MRTO4: variants seen among roughly 807,000 people sequenced by gnomAD.
MRTO4 encodes MRT4 homolog, ribosome maturation factor.
Under a neutral mutation model 28.6 loss-of-function variants are expected in MRTO4, and 7 were observed. That is an observed-to-expected ratio of 0.24 (90% CI 0.14 to 0.46). The LOEUF is 0.46. Among genes scored for constraint, MRTO4 ranks in the 20% least tolerant of loss-of-function variants. The pLI is 0.99. For synonymous variants in MRTO4, 113 were observed against 108.2 expected, an observed-to-expected ratio of 1.04 and a Z score of -0.27; for missense variants, 302 against 298.3, an observed-to-expected ratio of 1.01 and a Z score of -0.09.
intron 1 of MRTO4, among the ~76,000 whole-genome samples, chr1:19,253,555 A>C (rs1558121173): frequency 1.3e-5 from 2 of 152,196 alleles, no homozygotes; most frequent in Non-Finnish European, 2.9e-5. Flanking sequence ...TGGGGAAGAC[A>C]GGGCAGAGGG....
Position 19,257,056 on chromosome 1 carries a change from C to A in MRTO4, c.192-8C>A. On this transcript the variant is annotated splice_region_variant and splice_polypyrimidine_tract_variant and intron_variant, in intron 3 of 7. Transcript: ENST00000330263. Reference sequence around the variant, plus strand: ...CCTTCACAGAATGCTCTTTCTCTTGCTTGGTAGGATGTTCTTTGGCAAAAA... The same window carrying A: ...CCTTCACAGAATGCTCTTTCTCTTGATTGGTAGGATGTTCTTTGGCAAAAA... 6.2e-7 allele frequency: 1 copy of A among 1,613,546 alleles called. No homozygotes were observed. Among genetic ancestry groups the A allele is most frequent in the Non-Finnish European group, 8.5e-7 (1 of 1,179,636 alleles).
In MRTO4 at chr1:19,257,978, A is replaced by C; in HGVS notation, c.487A>C (p.Lys163Gln). 6.2e-7 allele frequency: 1 copy of C among 1,613,842 alleles called. No individual in the cohort carries two copies. The change falls in exon 6 of 8, where the codon AAG (lysine) becomes CAG (glutamine). Residue 163 changes from lysine to glutamine, a missense_variant. Transcript: ENST00000330263. ...LRQLGLPTALKRGVVTLLSDY... is the reference protein window; with the variant it reads ...LRQLGLPTALQRGVVTLLSDY... ...GCAGCTGGGCCTGCCCACCGCCCTC[A>C]AGAGAGGTATGGGCAGCCCTGGAGC...
chr1:19,251,888 C>T, intron 1 of MRTO4, 25 bp downstream of exon 1: 1 of 1,586,712 alleles, frequency 6.3e-7, no homozygotes, highest in Non-Finnish European at 8.6e-7. Context: ...AGTCGGGACC[C>T]TGGGGGGAGC....
Position 19,257,842 on chromosome 1 carries a change from G to A in MRTO4, c.351G>A (p.Thr117=), listed in dbSNP as rs116573119. The change falls in exon 6 of 8, where the codon ACG becomes ACA. Residue 117 remains threonine, a synonymous_variant. Coordinates refer to ENST00000330263, the MANE Select transcript of MRTO4 (RefSeq NM_016183.4). ...RTKEEVNEWF[T]KYTEMDYARA... ...TTCTCTTTTCCCTTAGGTGGTTCAC[G>A]AAATACACAGAAATGGACTACGCCC... 6.1e-3 allele frequency: 9,820 copies of A among 1,612,964 alleles called. 63 individuals are homozygous for A. Among genetic ancestry groups the A allele is most frequent in the South Asian group, 0.015 (1,369 of 91,018 alleles).
At chr1:19,252,426 G>A (rs2093663288) in intron 1 of MRTO4, among the ~76,000 whole-genome samples, 2 of 152,200 alleles carry the variant, frequency 1.3e-5, no homozygotes, top group South Asian at 4.1e-4. Flanking sequence ...GGCCGGATGC[G>A]GTGGCTCACG....
Position 19,257,900 on chromosome 1 carries a change from CT to C in MRTO4, c.410del (p.Leu137ArgfsTer31). 1 of 1,614,162 alleles carries C rather than the reference CT, an allele frequency of 6.2e-7. No homozygotes were observed. Among genetic ancestry groups the C allele is most frequent in the Non-Finnish European group, 8.5e-7 (1 of 1,180,044 alleles). Reference sequence around the variant, plus strand: ...TAACAAAGCAGCTTTCACTGTGAGCCTGGATCCAGGGCCCCTGGAGCAGTTC... The same window carrying C: ...TAACAAAGCAGCTTTCACTGTGAGCCGGATCCAGGGCCCCTGGAGCAGTTC... ...AGNKAAFTVSLDPGPLEQFPH... is the reference protein window; with the variant it reads ...AGNKAAFTVSXDPGPLEQFPH... On this transcript the variant is annotated frameshift_variant, in exon 6 of 8. Transcript: ENST00000330263. LOFTEE classifies it high-confidence loss of function.
chr1:19,258,247 G>T lies in MRTO4; in HGVS notation c.494-230G>T, dbSNP rs531739243. 3.3e-3 allele frequency among the ~76,000 whole-genome samples: 505 copies of T among 152,206 alleles called. 2 individuals carry two copies. The highest frequency in any genetic ancestry group is 0.011 in the African/African-American group (461 of 41,532). ...AAAAATTAGACAGCCATGGTGGTGT[G>T]TGCCTGTGGTCCTAGCTACATGGGA... is the stretch of plus-strand genomic sequence containing the variant. On this transcript the variant is annotated intron_variant, in intron 6 of 7. Coordinates refer to ENST00000330263, the MANE Select transcript of MRTO4 (RefSeq NM_016183.4).
chr1:19,254,794 A>G lies in MRTO4; in HGVS notation c.41A>G (p.Lys14Arg). The change falls in exon 2 of 8, where the codon AAA (lysine) becomes AGA (arginine). Residue 14 changes from lysine to arginine, a missense_variant. Transcript: ENST00000330263. Reference protein sequence around the residue: ...SKRDKKVSLTKTAKKGLELKQ... With the variant: ...SKRDKKVSLTRTAKKGLELKQ... Reference sequence around the variant, plus strand: ...TTGTTTTTATTAGTCTCCTTAACCAAAACTGCCAAGAAAGGCTTGGAATTG... The same window carrying G: ...TTGTTTTTATTAGTCTCCTTAACCAGAACTGCCAAGAAAGGCTTGGAATTG... 1.2e-6 allele frequency: 2 copies of G among 1,612,402 alleles called. No homozygotes were observed. The highest frequency in any genetic ancestry group is 1.7e-6 in the Non-Finnish European group (2 of 1,179,432).
chr1:19,254,414 CAG>C (rs551357180), intron 1 of MRTO4, among the ~76,000 whole-genome samples: 46 of 151,902 alleles, frequency 3.0e-4, no homozygotes, highest in South Asian at 8.3e-4. Flanking sequence ...AAACAAAAAA[CAG>C]GGGCCTGCCT....
rs115887270 is a variant in MRTO4, at chr1:19,254,555, G to A, written c.29-227G>A. On this transcript the variant is annotated intron_variant, in intron 1 of 7. Coordinates refer to ENST00000330263, the MANE Select transcript of MRTO4 (RefSeq NM_016183.4). ...AAAGGCCTAGTTTGTCTAAATAGCA[G>A]GAGTTATATCCAGGGATCTTCAGGC... 1.3e-3 allele frequency among the ~76,000 whole-genome samples: 194 copies of A among 152,338 alleles called. 1 individual carries two copies. The highest frequency in any genetic ancestry group is 4.5e-3 in the African/African-American group (187 of 41,588).
In MRTO4 at chr1:19,257,064, G is replaced by A. The variant is rs777300706; in HGVS notation, c.192G>A (p.Arg64=). ...KDIRNAWKHS[R]MFFGKNKVMM... The stretch of plus-strand genomic sequence containing the variant: ...GAATGCTCTTTCTCTTGCTTGGTAG[G>A]ATGTTCTTTGGCAAAAACAAGGTGA... The change falls in exon 4 of 8, where the codon CGG becomes CGA. Residue 64 remains arginine, a splice_region_variant and synonymous_variant. Coordinates refer to ENST00000330263, the MANE Select transcript of MRTO4 (RefSeq NM_016183.4). 5.0e-6 allele frequency: 8 copies of A among 1,613,836 alleles called. No individual in the cohort carries two copies. The highest frequency in any genetic ancestry group is 6.8e-6 in the Non-Finnish European group (8 of 1,179,906).
At chr1:19,254,451 TGA>T (rs995920301) in intron 1 of MRTO4, among the ~76,000 whole-genome samples, 15 of 151,618 alleles carry the variant, frequency 9.9e-5, no homozygotes, top group African/African-American at 3.6e-4. Context: ...GGTCTGCCAC[TGA>T]GAGCACTTCT....
chr1:19,257,320 G>GCCTCCCACTCCTT, intron 4 of MRTO4, 134 bp from the exon 5 acceptor site: 1 of 1,204,652 alleles, frequency 8.3e-7, no homozygotes, highest in Non-Finnish European at 1.2e-6. Flanking sequence ...GCAGCTTCCT[G>GCCTCCCACTCCTT]CCTCCCACTC....
At chr1:19,253,862 G>A (rs2093667509) in intron 1 of MRTO4, among the ~76,000 whole-genome samples, 1 of 152,236 alleles carries the variant, frequency 6.6e-6, no homozygotes, top group South Asian at 2.1e-4. Flanking sequence ...GGAGGGGCCT[G>A]GGTCAGGTCT....
intron 2 of MRTO4, among the ~76,000 whole-genome samples, chr1:19,255,116 G>A (rs1348655826): frequency 6.6e-6 from 1 of 152,126 alleles, no homozygotes; most frequent in East Asian, 1.9e-4. Context: ...TAACATCCCT[G>A]TGATGTGGGT....
chr1:19,253,933 G>A (rs959570277), intron 1 of MRTO4, among the ~76,000 whole-genome samples: 1 of 152,168 alleles, frequency 6.6e-6, no homozygotes, highest in Non-Finnish European at 1.5e-5. Flanking sequence ...TTACAGTAGA[G>A]GTACATGTTC....
chr1:19,258,764 G>A lies in MRTO4; in HGVS notation c.654G>A (p.Met218Ile). 2.5e-6 allele frequency: 4 copies of A among 1,614,218 alleles called. No individual in the cohort carries two copies. The highest frequency in any genetic ancestry group is 3.4e-6 in the Non-Finnish European group (4 of 1,180,050). The change falls in exon 8 of 8, where the codon ATG becomes ATA. Residue 218 changes from methionine (M) to isoleucine (I), a missense_variant. Met to Ile is a conservative substitution (Grantham distance 10). Coordinates refer to ENST00000330263, the MANE Select transcript of MRTO4 (RefSeq NM_016183.4). ...CACAGTCGGGAAGGTTCCAGCAGAT[G>A]GGAGACGACTTGCCAGAGAGCGCAT... ...WDSQSGRFQQ[M>I]GDDLPESASE...
intron 1 of MRTO4, 42 bp downstream of exon 1, chr1:19,251,905 G>T: frequency 6.3e-7 from 1 of 1,575,590 alleles, no homozygotes; most frequent in African/African-American, 1.3e-5. Flanking sequence ...GAGCTCCGTG[G>T]GCTGGCTACC....
At chr1:19,257,811 T>C (rs775658500) in intron 5 of MRTO4, 22 bp from the exon 6 acceptor site, 5 of 1,611,072 alleles carry the variant, frequency 3.1e-6, no homozygotes, top group Admixed American at 3.3e-5. Context: ...CATCTCCTCC[T>C]ACCACTTCTC....
Sources: allele counts gnomAD v4.1 joint callset (sites outside exome capture counted in the v4.1 genomes callset), GRCh38; gene constraint gnomAD v4.1.1; transcripts MANE v1.5; gene names NCBI Gene and HGNC (gene_info 2026-07-23, HGNC 2026-07-21).